The following PNPLA5 variants were observed in gnomAD, a reference collection of about 807,000 sequenced individuals.
PNPLA5 encodes patatin-like phospholipase domain-containing protein 5.
A neutral mutation model predicts 49.1 loss-of-function variants in PNPLA5; 44 were observed. The observed-to-expected ratio is 0.90, with a 90% CI of 0.70 to 1.15. The LOEUF (loss-of-function observed/expected upper bound fraction) is 1.15, where lower values mean the gene tolerates loss of function less well. Among genes scored for constraint, PNPLA5 ranks in the 50% most tolerant of loss-of-function variants. The pLI, the probability that PNPLA5 is intolerant of heterozygous loss-of-function variation, is 0.00. For missense variants in PNPLA5, 603 were observed against 564.0 expected, an observed-to-expected ratio of 1.07 and a Z score of -0.70; for synonymous variants, 243 against 244.4, an observed-to-expected ratio of 0.99 and a Z score of 0.06.
At chr22:43,884,111 CGCCGAGCCCTA>C in intron 7 of PNPLA5, 91 bp downstream of exon 7, 27 of 898,842 alleles carry the variant, frequency 3.0e-5, no homozygotes, top group Non-Finnish European at 3.7e-5. Flanking sequence ...CCCCCCACCC[CGCCGAGCCCTA>C]CCCACCCAGT....
intron 7 of PNPLA5, 72 bp downstream of exon 7, chr22:43,884,141 C>CTA: frequency 7.1e-7 from 1 of 1,402,590 alleles, no homozygotes. Context: ...GTGTGCCAGC[C>CTA]GCCCCTCCTG....
chr22:43,890,435 T>C (rs537125209), intron 2 of PNPLA5, among the ~76,000 whole-genome samples: 2 of 152,366 alleles, frequency 1.3e-5, no homozygotes, highest in South Asian at 4.1e-4. Context: ...AGAGACATTT[T>C]TGGTTGTCAC....
At chr22:43,881,084 G>T in intron 8 of PNPLA5, 199 bp from the exon 9 acceptor site, 1 of 718,464 alleles carries the variant, frequency 1.4e-6, no homozygotes, top group African/African-American at 1.9e-5. Flanking sequence ...CCAGAGAACT[G>T]CACTGATGTC....
At position 43,886,277 on chromosome 22, in the gene PNPLA5, TGAGCAAATGCAGGTA is replaced by T. The variant is rs1240215173; in HGVS notation, c.949+11_949+25del. 1 of 1,596,474 alleles carries T rather than the reference TGAGCAAATGCAGGTA, an allele frequency of 6.3e-7. No homozygotes were observed. The highest frequency in any genetic ancestry group is 1.1e-5 in the South Asian group (1 of 87,840). ...CCCCTGAGTGCAGGGCCCTGGTAGG[TGAGCAAATGCAGGTA>T]GAGTCCCTACCAGCCTCCAGCTCTG... On this transcript the variant is annotated intron_variant, in intron 6 of 8. Coordinates refer to ENST00000216177, the MANE Select transcript of PNPLA5 (RefSeq NM_138814.4).
intron 4 of PNPLA5, 170 bp from the exon 5 acceptor site, chr22:43,887,821 A>T: frequency 3.3e-6 from 3 of 914,286 alleles, no homozygotes; most frequent in Non-Finnish European, 3.9e-6. Flanking sequence ...GGACCTTAGC[A>T]CTGGGCAGGA....
intron 2 of PNPLA5, chr22:43,890,090 A>G: frequency 1.0e-6 from 1 of 985,334 alleles, no homozygotes; most frequent in South Asian, 4.7e-5. Flanking sequence ...GTGTGCAGGG[A>G]AGGAGGCCAG....
rs755875361 is a variant in PNPLA5 at position 43,886,386 on chromosome 22, C to T, written c.866G>A (p.Gly289Asp). The T allele has an allele frequency of 2.5e-6, 4 of 1,614,032 alleles. No homozygotes were observed. The African/African-American group carries it at 4.0e-5, about 16-fold the overall frequency. Residue 289 changes from glycine (G) to aspartate (D), a missense_variant, in exon 6 of 9, where the codon GGC (glycine) becomes GAC (aspartate). Gly to Asp is a moderately conservative substitution (Grantham distance 94). Coordinates refer to ENST00000216177, the MANE Select transcript of PNPLA5 (RefSeq NM_138814.4). ...DAGCDQRWKG[G>D]LSLNWKVPHV... Reference sequence around the variant, plus strand: ...GGGCACTTTCCAGTTGAGAGACAGGCCCCCCTTCCAGCGTTGGTCACAGCC... The same window carrying T: ...GGGCACTTTCCAGTTGAGAGACAGGTCCCCCTTCCAGCGTTGGTCACAGCC...
At chr22:43,886,693 C>G in intron 5 of PNPLA5, 1 of 771,632 alleles carries the variant, frequency 1.3e-6, no homozygotes, top group South Asian at 5.9e-5. Flanking sequence ...AGTGGCTCAT[C>G]AGAGCCCAGA....
At chr22:43,884,779 C>T (rs143557680) in intron 6 of PNPLA5, among the ~76,000 whole-genome samples, 3 of 152,294 alleles carry the variant, frequency 2.0e-5, no homozygotes, top group East Asian at 1.9e-4. Context: ...CAACTATGAC[C>T]GCAGCAACCA....
In PNPLA5 at chr22:43,889,866, T is replaced by A. The variant is rs926109288; in HGVS notation, c.427-2A>T. On this transcript the variant is annotated splice_acceptor_variant, in intron 2 of 8. Coordinates refer to ENST00000216177, the MANE Select transcript of PNPLA5 (RefSeq NM_138814.4). LOFTEE classifies it high-confidence loss of function. ...AAAGTATAAGGTGCAGACCAAGGCC[T>A]AGGAAGAGAAGAGTCAGCAGGAACA... The A allele has an allele frequency of 1.2e-6, 2 of 1,613,566 alleles. No individual in the cohort carries two copies. Among genetic ancestry groups the A allele is most frequent in the Admixed American group, 1.7e-5 (1 of 59,988 alleles).
chr22:43,891,264 A>G lies in PNPLA5; in HGVS notation c.224T>C (p.Val75Ala). 1 of 1,558,836 alleles carries G rather than the reference A, an allele frequency of 6.4e-7. No homozygotes were observed. Among genetic ancestry groups the G allele is most frequent in the African/African-American group, 1.4e-5 (1 of 73,682 alleles). ...TAGGCTCAGCCGCTCCAACTGCCCAACCATGCCCAGGAGGTGGGAGCAGCA... is the reference window on the plus strand; with the variant it reads ...TAGGCTCAGCCGCTCCAACTGCCCAGCCATGCCCAGGAGGTGGGAGCAGCA... The part of the protein sequence containing the change: ...DFCCSHLLGM[V>A]GQLERLSLSI... The change falls in exon 2 of 9, where the codon GTT becomes GCT. Residue 75 changes from valine to alanine, a missense_variant. By Grantham distance (64) the Val-to-Ala change is moderately conservative. Transcript: ENST00000216177.
At position 43,881,669 on chromosome 22, in the gene PNPLA5, A is replaced by C. The variant is rs142047757; in HGVS notation, c.1088T>G (p.Val363Gly). The C allele has an allele frequency of 2.1e-5, 34 of 1,613,416 alleles. No individual in the cohort carries two copies. The highest frequency in any genetic ancestry group is 2.7e-5 in the Non-Finnish European group (32 of 1,179,810). ...CGCCGGCACATCGGGCAGCCACACC[A>C]CCAACCTGGAGGAAGGGGCAGGTCA... is the stretch of plus-strand genomic sequence containing the variant. ...EYIYFRSRRL[V>G]VWLPDVPADL... Residue 363 changes from valine (V) to glycine (G), a missense_variant, in exon 8 of 9, where the codon GTG (valine) becomes GGG (glycine). By Grantham distance (109) the Val-to-Gly change is moderately radical. Transcript: ENST00000216177.
At chr22:43,891,020 G>A in intron 2 of PNPLA5, 42 bp downstream of exon 2, 1 of 1,578,614 alleles carries the variant, frequency 6.3e-7, no homozygotes, top group Non-Finnish European at 8.6e-7. Flanking sequence ...ACTAGATGGA[G>A]CCCGCCCACC....
chr22:43,886,946 CAT>C (rs1377591931), intron 5 of PNPLA5, among the ~76,000 whole-genome samples: 1 of 152,130 alleles, frequency 6.6e-6, no homozygotes, highest in Non-Finnish European at 1.5e-5. Flanking sequence ...GACTTGAGCA[CAT>C]GAGTTCTGGA....
intron 7 of PNPLA5, 88 bp downstream of exon 7, chr22:43,884,125 C>CCA: frequency 1.4e-5 from 18 of 1,272,768 alleles, no homozygotes; most frequent in East Asian, 2.8e-5. Flanking sequence ...GAGCCCTACC[C>CCA]ACCCAGTGTG....
In PNPLA5 at chr22:43,881,815, G is replaced by A. The variant is rs1007207006; in HGVS notation, c.1083-141C>T. 148 of 1,416,976 alleles carry A rather than the reference G, an allele frequency of 1.0e-4. 1 individual carries two copies. In the South Asian group the frequency reaches 1.6e-3, roughly 15 times the overall value. The allele number at this position is 1,416,976 out of a possible 1,614,324, so 87.8% of individuals were successfully genotyped here. On this transcript the variant is annotated intron_variant, in intron 7 of 8. Coordinates refer to ENST00000216177, the MANE Select transcript of PNPLA5 (RefSeq NM_138814.4). Reference sequence around the variant, plus strand: ...AGGTTAGGGAAGAAGGGCCAGCAGCGTTGGCCACTGTTGCAGAGCAGGTCA... The same window carrying A: ...AGGTTAGGGAAGAAGGGCCAGCAGCATTGGCCACTGTTGCAGAGCAGGTCA...
intron 6 of PNPLA5, among the ~76,000 whole-genome samples, chr22:43,885,357 C>T (rs2049652831): frequency 6.6e-6 from 1 of 151,904 alleles, no homozygotes; most frequent in Non-Finnish European, 1.5e-5. Context: ...CGCCATCCCT[C>T]TCCTCCCAGC....
intron 5 of PNPLA5, 95 bp downstream of exon 5, chr22:43,887,496 A>T: frequency 7.1e-7 from 1 of 1,404,296 alleles, no homozygotes; most frequent in Non-Finnish European, 9.9e-7. Flanking sequence ...AGACTGAGTT[A>T]GCCCATGTCC....
intron 6 of PNPLA5, among the ~76,000 whole-genome samples, chr22:43,885,735 A>G (rs566714949): frequency 1.2e-4 from 19 of 152,324 alleles, no homozygotes; most frequent in African/African-American, 4.6e-4. Flanking sequence ...GCGGGCGGGC[A>G]GACTAAATGG....
Sources: gnomAD v4.1 joint callset for allele counts (sites outside exome capture counted in the v4.1 genomes callset) on GRCh38, gnomAD v4.1.1 for gene constraint, MANE v1.5 for transcripts, NCBI Gene and HGNC (gene_info 2026-07-23, HGNC 2026-07-21) for gene names.